Variants in MED24 observed in about 807,000 individuals in gnomAD.
The protein encoded by MED24 is mediator of RNA polymerase II transcription subunit 24.
Under a neutral mutation model 118.8 loss-of-function variants are expected in MED24, and 74 were observed. The ratio of observed to expected loss-of-function variants is 0.62; its 90% CI spans 0.52 to 0.76. MED24 has a LOEUF of 0.76. Ranked by LOEUF, MED24 falls within the 30% of genes least tolerant of loss-of-function variation. MED24 has a pLI of 0.00. For missense variants in MED24, 1,041 were observed against 1,278.9 expected (o/e 0.81, Z 2.84); for synonymous variants, 521 against 523.9 (o/e 0.99, Z 0.08).
At chr17:40,031,117 G>A in intron 12 of MED24, 42 bp downstream of exon 12, 1 of 1,532,750 alleles carries the variant, frequency 6.5e-7, no homozygotes, top group Non-Finnish European at 8.9e-7. Context: ...CAAGAGAGAG[G>A]TCAAGGGGCT....
chr17:40,051,078 G>A (rs903491210), intron 3 of MED24, among the ~76,000 whole-genome samples: 3 of 150,038 alleles, frequency 2.0e-5, no homozygotes, highest in Non-Finnish European at 4.4e-5. Context: ...AGAGGTTGCG[G>A]TGAGCCAAGA....
intron 3 of MED24, among the ~76,000 whole-genome samples, chr17:40,039,628 A>G (rs1044126762): frequency 6.6e-6 from 1 of 152,012 alleles, no homozygotes; most frequent in Non-Finnish European, 1.5e-5. Flanking sequence ...GTGTTTATAC[A>G]TCTCAAGACT....
intron 19 of MED24, 128 bp downstream of exon 19, chr17:40,026,028 A>T: frequency 1.1e-6 from 1 of 939,570 alleles, no homozygotes; most frequent in Non-Finnish European, 1.6e-6. Context: ...ATGCATGAAT[A>T]GGAAAGTGAG....
chr17:40,045,549 G>C (rs1001148262), intron 3 of MED24, among the ~76,000 whole-genome samples: 1 of 152,170 alleles, frequency 6.6e-6, no homozygotes, highest in South Asian at 2.1e-4. Context: ...AACACTCTGG[G>C]AGGCCAAGGT....
At chr17:40,027,817 G>T in intron 15 of MED24, 92 bp downstream of exon 15, 1 of 1,385,162 alleles carries the variant, frequency 7.2e-7, no homozygotes, top group Non-Finnish European at 1.0e-6. Context: ...GCCTCCCCCT[G>T]TTGAGCTGGG....
chr17:40,022,992 A>AG lies in MED24; in HGVS notation c.2250+138dup, dbSNP rs561237924. 3.5e-4 allele frequency: 479 copies of AG among 1,363,732 alleles called. 3 individuals carry two copies. The African/African-American group carries it at 6.3e-3, about 18-fold the overall frequency. 84.5% of individuals were successfully genotyped at this position (1,363,732 alleles called of 1,614,324 possible). ...AGTCTCTGGCCAGAGCTCCCCAAGGAGGCAACTCTGAGGCGAGGCATTCCG... is the reference window on the plus strand; with the variant it reads ...AGTCTCTGGCCAGAGCTCCCCAAGGAGGGCAACTCTGAGGCGAGGCATTCCG... On this transcript the variant is annotated intron_variant, in intron 20 of 25. Coordinates refer to ENST00000394128, the MANE Select transcript of MED24 (RefSeq NM_014815.4).
chr17:40,046,561 C>T (rs1272562172), intron 3 of MED24, among the ~76,000 whole-genome samples: 82 of 147,660 alleles, frequency 5.6e-4, no homozygotes, highest in African/African-American at 2.0e-3. Context: ...CCGGCTAAAA[C>T]GGTGAAACCC....
intron 10 of MED24, among the ~76,000 whole-genome samples, 200 bp downstream of exon 10, chr17:40,031,843 C>T (rs1445316918): frequency 1.3e-5 from 2 of 152,144 alleles, no homozygotes; most frequent in Admixed American, 6.5e-5. Flanking sequence ...CACTGAAGCA[C>T]GCACACACTG....
intron 19 of MED24, chr17:40,023,750 C>A (rs1598334305): frequency 9.1e-6 from 2 of 219,722 alleles, no homozygotes; most frequent in East Asian, 2.5e-4. Context: ...AATCACTTCC[C>A]CCTAGGCTGA....
At chr17:40,022,152 T>G in intron 22 of MED24, 98 bp from the exon 23 acceptor site, 2 of 1,043,190 alleles carry the variant, frequency 1.9e-6, no homozygotes, top group Non-Finnish European at 1.4e-6. Context: ...GAGGTCAGCA[T>G]GGCTAGCAGG....
chr17:40,045,383 G>A (rs988252303), intron 3 of MED24, among the ~76,000 whole-genome samples: 8 of 151,330 alleles, frequency 5.3e-5, no homozygotes, highest in African/African-American at 1.9e-4. Flanking sequence ...CAGCGGCGGG[G>A]ACAGGAGGAG....
chr17:40,034,858 A>ACCCCCCCC, intron 6 of MED24: 3 of 117,224 alleles, frequency 2.6e-5, no homozygotes, highest in South Asian at 2.4e-4. Context: ...GTAGCCCCCC[A>ACCCCCCCC]CCCCCCACCC....
chr17:40,037,258 G>GGAAAGAA (rs1175376765), intron 3 of MED24, among the ~76,000 whole-genome samples: 1 of 139,934 alleles, frequency 7.1e-6, no homozygotes, highest in African/African-American at 3.3e-5. Flanking sequence ...GAAGGAAAGA[G>GGAAAGAA]TAAGTTTTAC....
intron 3 of MED24, among the ~76,000 whole-genome samples, chr17:40,037,379 CCAAGTA>C (rs1984066924): frequency 4.6e-5 from 7 of 152,242 alleles, no homozygotes; most frequent in Admixed American, 2.0e-4. Context: ...CCTCTGTGCT[CCAAGTA>C]ATCACCTAAG....
Position 40,022,026 on chromosome 17 carries a change from T to G in MED24, c.2552A>C (p.Asp851Ala). The stretch of plus-strand genomic sequence containing the variant: ...TCGCATCAACTTCGAAGGCTGCACA[T>G]CGTCCAGGGGGAAGAGGCTGATATA... ...EDYISLFPLD[D>A]VQPSKLMRLL... is the part of the protein sequence containing the mutation. The change falls in exon 23 of 26, where the codon GAT becomes GCT. Residue 851 changes from aspartate (D) to alanine (A), a missense_variant. Asp to Ala is a moderately radical substitution (Grantham distance 126). Transcript: ENST00000394128. The G allele has an allele frequency of 2.5e-6, 4 of 1,611,514 alleles. No individual in the cohort carries two copies. Among genetic ancestry groups the G allele is most frequent in the Non-Finnish European group, 3.4e-6 (4 of 1,178,762 alleles).
In MED24 at chr17:40,042,166, C is replaced by T. The variant is rs9905267; in HGVS notation, c.214-6012G>A. ...GAGTGATCTTTTTAAAATTAATCCACAAATGTCCCTAATTAATCTACAAAG... is the reference window on the plus strand; with the variant it reads ...GAGTGATCTTTTTAAAATTAATCCATAAATGTCCCTAATTAATCTACAAAG... On this transcript the variant is annotated intron_variant, in intron 3 of 25. Transcript: ENST00000394128. Among the ~76,000 whole-genome samples the T allele has an allele frequency of 5.5e-3, 832 of 152,236 alleles. 8 individuals are homozygous for T. The highest frequency in any genetic ancestry group is 0.02 in the African/African-American group (810 of 41,514).
At chr17:40,051,662 C>T (rs901720881) in intron 3 of MED24, among the ~76,000 whole-genome samples, 5 of 152,068 alleles carry the variant, frequency 3.3e-5, no homozygotes, top group African/African-American at 1.2e-4. Flanking sequence ...GTGGCTCATG[C>T]CTGCAATCCC....
intron 14 of MED24, 155 bp from the exon 15 acceptor site, chr17:40,028,101 G>A: frequency 2.6e-6 from 2 of 767,556 alleles, no homozygotes; most frequent in South Asian, 3.3e-5. Flanking sequence ...GGTTTTTGTG[G>A]TTTTTGTTTT....
Position 40,028,859 on chromosome 17 carries a change from C to T in MED24, c.1376G>A (p.Gly459Glu), listed in dbSNP as rs764856782. 4.3e-6 allele frequency: 7 copies of T among 1,613,954 alleles called. No homozygotes were observed. The highest frequency in any genetic ancestry group is 5.9e-6 in the Non-Finnish European group (7 of 1,179,958). Reference sequence around the variant, plus strand: ...TTTCCGGGCGAAGGATTTCAGCTTTCCAGTGGCGGCGGCGGCAGCCAGCAG... The same window carrying T: ...TTTCCGGGCGAAGGATTTCAGCTTTTCAGTGGCGGCGGCGGCAGCCAGCAG... Reference protein sequence around the residue: ...DLLLAAAAATGKLKSFARKFI... With the variant: ...DLLLAAAAATEKLKSFARKFI... Residue 459 changes from glycine to glutamate, a missense_variant, in exon 14 of 26, where the codon GGA (glycine) becomes GAA (glutamate). This residue lies in a region of MED24 where 587 missense variants were observed against 694.4 expected (regional missense o/e 0.85). Transcript: ENST00000394128.
Sources: gnomAD v4.1 joint callset for allele counts (sites outside exome capture counted in the v4.1 genomes callset) on GRCh38, gnomAD v4.1.1 for gene constraint, gnomAD v4.1.1 regional missense constraint, MANE v1.5 for transcripts, NCBI Gene and HGNC (gene_info 2026-07-23, HGNC 2026-07-21) for gene names.